Variants in TMEM266 observed in about 807,000 individuals in gnomAD.
TMEM266 encodes transmembrane protein 266.
In TMEM266, 33 loss-of-function variants were observed where a neutral mutation model predicts 50.5. That is an observed-to-expected ratio of 0.65 (90% CI 0.50 to 0.87). The LOEUF (loss-of-function observed/expected upper bound fraction) is 0.87, where lower values mean the gene tolerates loss of function less well. Among genes scored for constraint, TMEM266 ranks in the 40% least tolerant of loss-of-function variants. The pLI is 0.00. For missense variants in TMEM266, 655 were observed against 695.1 expected (o/e 0.94, Z 0.65); for synonymous variants, 310 against 292.3 (o/e 1.06, Z -0.62).
chr15:76,109,537 C>T (rs1381815868), intron 1 of TMEM266, among the ~76,000 whole-genome samples: 1 of 152,176 alleles, frequency 6.6e-6, no homozygotes, highest in Non-Finnish European at 1.5e-5. Context: ...TGGCTCATGC[C>T]TGGGGTCCCG....
At chr15:76,183,566 A>T (rs891760539) in intron 8 of TMEM266, among the ~76,000 whole-genome samples, 1 of 152,216 alleles carries the variant, frequency 6.6e-6, no homozygotes, top group Admixed American at 6.5e-5. Context: ...TCAGTTGCAC[A>T]GTACCAACTA....
At chr15:76,179,355 G>A (rs117836106) in intron 8 of TMEM266, among the ~76,000 whole-genome samples, 4,673 of 152,188 alleles carry the variant, frequency 0.031, 104 homozygotes, top group South Asian at 0.056. Context: ...TGTGGACCCC[G>A]AAGTCCACCA....
chr15:76,123,925 C>G (rs1270880767), intron 1 of TMEM266, among the ~76,000 whole-genome samples: 2 of 152,204 alleles, frequency 1.3e-5, no homozygotes, highest in Non-Finnish European at 2.9e-5. Context: ...GTCGGCCAGG[C>G]TGGTCTCAAA....
intron 8 of TMEM266, among the ~76,000 whole-genome samples, chr15:76,185,889 G>A (rs1209019696): frequency 6.6e-6 from 1 of 152,180 alleles, no homozygotes; most frequent in Admixed American, 6.5e-5. Context: ...TTGGAATTCA[G>A]TGAGTCCATT....
chr15:76,061,619 T>A (rs2036305739), intron 1 of TMEM266, among the ~76,000 whole-genome samples: 1 of 152,202 alleles, frequency 6.6e-6, no homozygotes, highest in South Asian at 2.1e-4. Context: ...AAGCAGTTGT[T>A]TCAGAATGGA....
intron 1 of TMEM266, among the ~76,000 whole-genome samples, chr15:76,092,560 G>A (rs1346206156): frequency 6.6e-6 from 1 of 151,744 alleles, no homozygotes; most frequent in Non-Finnish European, 1.5e-5. Flanking sequence ...CTTGGTGGTA[G>A]GTGCCTGTAA....
At chr15:76,096,302 A>T (rs7182384) in intron 1 of TMEM266, among the ~76,000 whole-genome samples, 34,447 of 151,712 alleles carry the variant, frequency 0.23, 4,512 homozygotes, top group Non-Finnish European at 0.27. Context: ...AGATTCTGAA[A>T]CGTTGTGTTT....
chr15:76,085,557 GCCCAGATT>G (rs1247499583), intron 1 of TMEM266, among the ~76,000 whole-genome samples: 3 of 152,074 alleles, frequency 2.0e-5, no homozygotes, highest in African/African-American at 7.2e-5. Flanking sequence ...ACCGTACCTG[GCCCAGATT>G]TGCATTTTCA....
At chr15:76,135,815 G>A in intron 2 of TMEM266, among the ~76,000 whole-genome samples, 1 of 152,208 alleles carries the variant, frequency 6.6e-6, no homozygotes, top group East Asian at 1.9e-4. Flanking sequence ...GTGAATTCAG[G>A]TGGTCTAGGC....
chr15:76,164,224 G>T (rs969900500), intron 5 of TMEM266, among the ~76,000 whole-genome samples: 1 of 151,690 alleles, frequency 6.6e-6, no homozygotes, highest in Non-Finnish European at 1.5e-5. Context: ...TTTTCTTTTC[G>T]AGACAGGGTC....
chr15:76,134,693 T>C (rs939894287), intron 2 of TMEM266, among the ~76,000 whole-genome samples: 7 of 152,330 alleles, frequency 4.6e-5, no homozygotes, highest in African/African-American at 1.4e-4. Flanking sequence ...AATACTAAGA[T>C]GAAAACAGCA....
intron 2 of TMEM266, 90 bp downstream of exon 2, chr15:76,134,391 A>G (rs2037559915): frequency 6.4e-6 from 9 of 1,411,608 alleles, no homozygotes; most frequent in South Asian, 1.2e-5. Context: ...GGCAGCCACT[A>G]TGTACATTTC....
chr15:76,130,081 G>A (rs139782206), intron 1 of TMEM266, among the ~76,000 whole-genome samples: 2 of 151,734 alleles, frequency 1.3e-5, no homozygotes, highest in East Asian at 1.9e-4. Context: ...AAAGGTAGCC[G>A]GGTGTGGTGG....
chr15:76,116,307 G>A (rs1036440807), intron 1 of TMEM266, among the ~76,000 whole-genome samples: 3 of 152,122 alleles, frequency 2.0e-5, no homozygotes, highest in African/African-American at 2.4e-5. Flanking sequence ...ATAAGGCTCC[G>A]TAGCTTACCC....
At chr15:76,199,627 G>C (rs2038710048) in intron 9 of TMEM266, among the ~76,000 whole-genome samples, 1 of 152,224 alleles carries the variant, frequency 6.6e-6, no homozygotes, top group South Asian at 2.1e-4. Context: ...GGGTGCATTA[G>C]GGCAGTGTGA....
At chr15:76,203,479 G>T (rs2038782945) in intron 10 of TMEM266, among the ~76,000 whole-genome samples, 1 of 152,170 alleles carries the variant, frequency 6.6e-6, no homozygotes, top group Non-Finnish European at 1.5e-5. Flanking sequence ...AGTGCCACAG[G>T]TCACTTCTCA....
chr15:76,125,057 T>A (rs1395883030), intron 1 of TMEM266, among the ~76,000 whole-genome samples: 1 of 152,092 alleles, frequency 6.6e-6, no homozygotes, highest in Non-Finnish European at 1.5e-5. Flanking sequence ...GTCAACTAAT[T>A]GGACAAAAGT....
At chr15:76,154,985 A>G (rs1186721402) in intron 3 of TMEM266, among the ~76,000 whole-genome samples, 1 of 152,194 alleles carries the variant, frequency 6.6e-6, no homozygotes, top group African/African-American at 2.4e-5. Context: ...GGACCATCAG[A>G]TATTTTATCA....
intron 1 of TMEM266, among the ~76,000 whole-genome samples, chr15:76,116,170 A>G: frequency 6.6e-6 from 1 of 152,112 alleles, no homozygotes; most frequent in Non-Finnish European, 1.5e-5. Flanking sequence ...CCACTGTGCC[A>G]GCCAGCCTGG....
Sources: gnomAD v4.1 joint callset for allele counts (sites outside exome capture counted in the v4.1 genomes callset) on GRCh38, gnomAD v4.1.1 for gene constraint, MANE v1.5 for transcripts, NCBI Gene and HGNC (gene_info 2026-07-23, HGNC 2026-07-21) for gene names.